The following PPFIA2 variants were observed in gnomAD, a reference collection of about 807,000 sequenced individuals.
PPFIA2 encodes liprin-alpha-2.
A neutral mutation model predicts 175.5 loss-of-function variants in PPFIA2; 46 were observed. That is an observed-to-expected ratio of 0.26 (90% CI 0.21 to 0.34). PPFIA2 has a LOEUF of 0.34. PPFIA2 is among the 10% of genes least tolerant of loss of function. PPFIA2 has a pLI of 1.00. For missense variants in PPFIA2, 1,179 were observed against 1,506.1 expected (o/e 0.78, Z 3.60); for synonymous variants, 568 against 511.4 (o/e 1.11, Z -1.49).
At chr12:81,486,922 T>C (rs183139310) in intron 4 of PPFIA2, among the ~76,000 whole-genome samples, 464 of 152,038 alleles carry the variant, frequency 3.1e-3, no homozygotes, top group African/African-American at 0.01. Flanking sequence ...GCCAATCAAC[T>C]CCATCCCCTT....
intron 4 of PPFIA2, among the ~76,000 whole-genome samples, chr12:81,557,457 T>C (rs2069102174): frequency 6.6e-6 from 1 of 151,922 alleles, no homozygotes; most frequent in African/African-American, 2.4e-5. Context: ...ATTTCAAACT[T>C]ACTTTGGTTA....
intron 7 of PPFIA2, among the ~76,000 whole-genome samples, chr12:81,417,536 T>C (rs2045520250): frequency 6.6e-6 from 1 of 151,644 alleles, no homozygotes; most frequent in African/African-American, 2.4e-5. Flanking sequence ...CAATCTTGCA[T>C]ATAACAAAGC....
chr12:81,653,520 G>A (rs2067318966), intron 4 of PPFIA2, among the ~76,000 whole-genome samples: 1 of 151,954 alleles, frequency 6.6e-6, no homozygotes, highest in Non-Finnish European at 1.5e-5. Flanking sequence ...AGCAATCCTT[G>A]GCATTCCATA....
At chr12:81,284,461 C>A in intron 24 of PPFIA2, 158 bp from the exon 25 acceptor site, 1 of 566,548 alleles carries the variant, frequency 1.8e-6, no homozygotes, top group Non-Finnish European at 3.2e-6. Flanking sequence ...CTGGTTTGCT[C>A]AGAGCTCCCT....
At chr12:81,265,845 A>T (rs553404678) in intron 30 of PPFIA2, among the ~76,000 whole-genome samples, 10 of 152,200 alleles carry the variant, frequency 6.6e-5, no homozygotes, top group Non-Finnish European at 1.2e-4. Flanking sequence ...TGCAACTTAT[A>T]AGTAAGAATA....
At chr12:81,623,206 T>C (rs2062272946) in intron 4 of PPFIA2, among the ~76,000 whole-genome samples, 1 of 152,066 alleles carries the variant, frequency 6.6e-6, no homozygotes, top group African/African-American at 2.4e-5. Context: ...TAAATAGAAG[T>C]GTGACTAGGA....
In PPFIA2 at chr12:81,284,315, G is replaced by T; in HGVS notation, c.2926-12C>A. 1.3e-6 allele frequency: 2 copies of T among 1,565,876 alleles called. No homozygotes were observed. Reference sequence around the variant, plus strand: ...ACGTTGCCTGAAGGCTAGTGAGGAGGCCCAGAGGGAAGCAGAGGAATCCAT... The same window carrying T: ...ACGTTGCCTGAAGGCTAGTGAGGAGTCCCAGAGGGAAGCAGAGGAATCCAT... On this transcript the variant is annotated splice_polypyrimidine_tract_variant and intron_variant, in intron 24 of 32. Transcript: ENST00000549396.
In PPFIA2 at chr12:81,466,747, GGC is replaced by G. The variant is rs2055707469; in HGVS notation, c.304-8883_304-8882del. On this transcript the variant is annotated intron_variant, in intron 4 of 32. Transcript: ENST00000549396. Reference sequence around the variant, plus strand: ...CAGATTGGTTGGGAACGTATTTGGAGGCAAGGTAGGGTTTTCTCAGTATCCCC... The same window carrying G: ...CAGATTGGTTGGGAACGTATTTGGAGAAGGTAGGGTTTTCTCAGTATCCCC... Among the ~76,000 whole-genome samples, 4 of 151,920 alleles carry G rather than the reference GGC, an allele frequency of 2.6e-5. No homozygotes were observed. The South Asian group carries it at 8.3e-4, about 32-fold the overall frequency.
chr12:81,557,145 C>A (rs1371809760), intron 4 of PPFIA2, among the ~76,000 whole-genome samples: 6 of 151,414 alleles, frequency 4.0e-5, no homozygotes, highest in Non-Finnish European at 7.4e-5. Context: ...GTATTTCTCT[C>A]CCTGATCAAT....
At chr12:81,728,464 C>G (rs1311997121) in intron 3 of PPFIA2, among the ~76,000 whole-genome samples, 1 of 151,358 alleles carries the variant, frequency 6.6e-6, no homozygotes, top group African/African-American at 2.4e-5. Flanking sequence ...TTTTCCACTA[C>G]AGCATAATTT....
chr12:81,706,528 A>G (rs1231045382), intron 3 of PPFIA2, among the ~76,000 whole-genome samples: 1 of 152,196 alleles, frequency 6.6e-6, no homozygotes, highest in Non-Finnish European at 1.5e-5. Context: ...ATTTGAATTC[A>G]TTGATTTCTA....
At position 81,750,471 on chromosome 12, in the gene PPFIA2, C is replaced by G. The variant is rs866381995; in HGVS notation, c.249+3502G>C. Among the ~76,000 whole-genome samples, 4 of 149,222 alleles carry G rather than the reference C, an allele frequency of 2.7e-5. 1 individual carries two copies. The highest frequency in any genetic ancestry group is 4.5e-5 in the Non-Finnish European group (3 of 66,996). On this transcript the variant is annotated intron_variant, in intron 3 of 32. Transcript: ENST00000549396. The stretch of plus-strand genomic sequence containing the variant: ...AAGGTGCCTAAGTAAGGAGTTAGAG[C>G]ACACTTAGGTTGTGAATTGGAGGTA...
At chr12:81,639,547 A>T (rs559867718) in intron 4 of PPFIA2, among the ~76,000 whole-genome samples, 75 of 151,408 alleles carry the variant, frequency 5.0e-4, no homozygotes, top group East Asian at 2.9e-3. Context: ...CGGTAAAAAA[A>T]ATATATATAT....
At chr12:81,260,351 T>C (rs910883283) in intron 32 of PPFIA2, 10 of 152,120 alleles carry the variant, frequency 6.6e-5, no homozygotes, top group African/African-American at 1.9e-4. Flanking sequence ...AAAAAACAGA[T>C]TGCAAATAGA....
chr12:81,498,994 T>C (rs1238152725), intron 4 of PPFIA2, among the ~76,000 whole-genome samples: 1 of 152,142 alleles, frequency 6.6e-6, no homozygotes, highest in African/African-American at 2.4e-5. Context: ...CATCAAGCAA[T>C]AGAAAAAAAA....
Position 81,445,539 on chromosome 12 carries a change from C to CT in PPFIA2, c.570+16dup, listed in dbSNP as rs775881413. The CT allele has an allele frequency of 1.2e-6, 2 of 1,607,234 alleles. No individual in the cohort carries two copies. Among genetic ancestry groups the CT allele is most frequent in the Admixed American group, 3.4e-5 (2 of 59,050 alleles). The stretch of plus-strand genomic sequence containing the variant: ...ACAGAAGTGTAGTTAAGCTTGAACT[C>CT]TTTTTCCATACTATACCTTTTCATC... On this transcript the variant is annotated intron_variant, in intron 6 of 32. Transcript: ENST00000549396.
intron 22 of PPFIA2, among the ~76,000 whole-genome samples, chr12:81,309,339 C>T (rs1207472157): frequency 6.6e-6 from 1 of 152,004 alleles, no homozygotes; most frequent in African/African-American, 2.4e-5. Context: ...TTTTTAACAT[C>T]TGCAAGCTGA....
chr12:81,670,535 A>C (rs1158894050), intron 4 of PPFIA2, among the ~76,000 whole-genome samples: 3 of 151,876 alleles, frequency 2.0e-5, no homozygotes, highest in Admixed American at 6.6e-5. Context: ...CTCAAATCTT[A>C]TCTCCTTAAA....
intron 4 of PPFIA2, among the ~76,000 whole-genome samples, chr12:81,464,887 A>AG (rs1221277495): frequency 6.6e-6 from 1 of 151,608 alleles, no homozygotes; most frequent in Admixed American, 6.6e-5. Context: ...AGAGCTGGAA[A>AG]AAAAAAAAAA....
Sources: allele counts gnomAD v4.1 joint callset (sites outside exome capture counted in the v4.1 genomes callset), GRCh38; gene constraint gnomAD v4.1.1; transcripts MANE v1.5; gene names NCBI Gene and HGNC (gene_info 2026-07-23, HGNC 2026-07-21).